The following AGAP1 variants were observed in gnomAD, a reference collection of about 807,000 sequenced individuals.
The protein encoded by AGAP1 is arf-GAP with GTPase, ANK repeat and PH domain-containing protein 1.
A neutral mutation model predicts 105.3 loss-of-function variants in AGAP1; 29 were observed. That is an observed-to-expected ratio of 0.28 (90% CI 0.21 to 0.38). The LOEUF (loss-of-function observed/expected upper bound fraction) is 0.38, where lower values mean the gene tolerates loss of function less well. Ranked by LOEUF, AGAP1 falls within the 10% of genes least tolerant of loss-of-function variation. The probability of loss-of-function intolerance (pLI) is 1.00; values close to 1 mark genes in which losing one functional copy is unlikely to be tolerated. For synonymous variants in AGAP1, 509 were observed against 485.9 expected (o/e 1.05, Z -0.63); for missense variants, 998 against 1,165.1 (o/e 0.86, Z 2.09).
At chr2:235,628,835 GT>G (rs1490983456) in intron 1 of AGAP1, among the ~76,000 whole-genome samples, 3 of 151,706 alleles carry the variant, frequency 2.0e-5, no homozygotes, top group Non-Finnish European at 4.4e-5. Context: ...TTGTTTGTTT[GT>G]TTTTTGACTC....
At chr2:235,687,477 T>C (rs571450170) in intron 1 of AGAP1, among the ~76,000 whole-genome samples, 1 of 152,336 alleles carries the variant, frequency 6.6e-6, no homozygotes, top group South Asian at 2.1e-4. Context: ...CAGTCCGATA[T>C]GTGTAAATCG....
Position 236,124,017 on chromosome 2 carries a change from G to A in AGAP1, c.2469G>A (p.Gln823=), listed in dbSNP as rs377101887. ...SSQECIDVLL[Q]YGCPDERFVL... ...AGGAGTGCATCGACGTGCTGCTGCA[G>A]TACGGCTGCCCCGACGAGCGCTTCG... The change falls in exon 18 of 18, where the codon CAG becomes CAA. Residue 823 remains glutamine (Q), a synonymous_variant. Coordinates refer to ENST00000304032, the MANE Select transcript of AGAP1 (RefSeq NM_001037131.3). The surrounding 1 kb of genome is among the most constrained non-coding windows in gnomAD (Gnocchi z 5.1). 3 of 1,613,990 alleles carry A rather than the reference G, an allele frequency of 1.9e-6. No individual in the cohort carries two copies. The African/African-American group carries it at 4.0e-5, about 22-fold the overall frequency.
chr2:235,664,491 TA>T lies in AGAP1; in HGVS notation c.164-44687del, dbSNP rs1398997673. On this transcript the variant is annotated intron_variant, in intron 1 of 17. Coordinates refer to ENST00000304032, the MANE Select transcript of AGAP1 (RefSeq NM_001037131.3). The surrounding 1 kb of genome is among the most constrained non-coding windows in gnomAD (Gnocchi z 5.7). ...CCTTGGCCTCCCAAAGTGCTGGGAT[TA>T]CAAGCATGAGCCACCACACTTGGCC... 2.0e-5 allele frequency among the ~76,000 whole-genome samples: 3 copies of T among 152,204 alleles called. No homozygotes were observed. Among genetic ancestry groups the T allele is most frequent in the African/African-American group, 7.2e-5 (3 of 41,452 alleles).
At chr2:235,588,027 T>G (rs1945183130) in intron 1 of AGAP1, among the ~76,000 whole-genome samples, 1 of 152,078 alleles carries the variant, frequency 6.6e-6, no homozygotes, top group Admixed American at 6.5e-5. Context: ...GTCAGGAGTT[T>G]GAGACCAGCC....
rs1376042551 is a variant in AGAP1, at chr2:235,642,315, C to T, written c.164-66864C>T. Among the ~76,000 whole-genome samples, 2 of 152,172 alleles carry T rather than the reference C, an allele frequency of 1.3e-5. No homozygotes were observed. Among genetic ancestry groups the T allele is most frequent in the Non-Finnish European group, 1.5e-5 (1 of 68,044 alleles). ...TACAAAGAAACTTGAGGTGAGGGGCCCTCTGCACTCAACCTCCTGGGACCT... is the reference window on the plus strand; with the variant it reads ...TACAAAGAAACTTGAGGTGAGGGGCTCTCTGCACTCAACCTCCTGGGACCT... On this transcript the variant is annotated intron_variant, in intron 1 of 17. Coordinates refer to ENST00000304032, the MANE Select transcript of AGAP1 (RefSeq NM_001037131.3). The surrounding 1 kb of genome is among the most constrained non-coding windows in gnomAD (Gnocchi z 4.1).
Position 235,555,469 on chromosome 2 carries a change from C to A in AGAP1, c.163+60620C>A, listed in dbSNP as rs1943944237. Among the ~76,000 whole-genome samples, 1 of 152,152 alleles carries A rather than the reference C, an allele frequency of 6.6e-6. No individual in the cohort carries two copies. The highest frequency in any genetic ancestry group is 1.5e-5 in the Non-Finnish European group (1 of 68,034). On this transcript the variant is annotated intron_variant, in intron 1 of 17. Transcript: ENST00000304032. This position sits in a 1 kb window ranked among gnomAD's most constrained non-coding sequence, Gnocchi z 5.1. ...AGGCATGTGGGGCACACTCTCCAGG[C>A]ACATCCAGGGCTGGACTGGGGCCGG...
chr2:235,818,113 C>T (rs187382991), intron 9 of AGAP1, among the ~76,000 whole-genome samples: 1 of 152,346 alleles, frequency 6.6e-6, no homozygotes, highest in East Asian at 1.9e-4. Context: ...AAAAACTCAT[C>T]AGAATCAACC....
chr2:236,056,856 A>C lies in AGAP1; in HGVS notation c.2114+7575A>C, dbSNP rs2058065153. ...GATCTGACTCCAGATGCCGCTCTGC[A>C]GTCCTGCTGCTGCTCCTGTTCCTTT... On this transcript the variant is annotated intron_variant, in intron 16 of 17. Transcript: ENST00000304032. The surrounding 1 kb of genome is among the most constrained non-coding windows in gnomAD (Gnocchi z 4.6). 6.6e-6 allele frequency among the ~76,000 whole-genome samples: 1 copy of C among 152,170 alleles called. No homozygotes were observed. The highest frequency in any genetic ancestry group is 2.4e-5 in the African/African-American group (1 of 41,452).
rs183050884 is a variant in AGAP1, at chr2:235,648,760, G to A, written c.164-60419G>A. On this transcript the variant is annotated intron_variant, in intron 1 of 17. Transcript: ENST00000304032. ...ACATTAGCTGGGCATGGTGGCATGC[G>A]CCTGTAGCCCCAGCTACTCGGGAGG... 2.8e-3 allele frequency among the ~76,000 whole-genome samples: 425 copies of A among 150,438 alleles called. 4 individuals are homozygous for A. Among genetic ancestry groups the A allele is most frequent in the African/African-American group, 9.7e-3 (397 of 41,026 alleles).
chr2:235,517,208 A>G lies in AGAP1; in HGVS notation c.163+22359A>G, dbSNP rs1038404671. 1.3e-5 allele frequency among the ~76,000 whole-genome samples: 2 copies of G among 152,198 alleles called. No homozygotes were observed. The highest frequency in any genetic ancestry group is 2.1e-4 in the South Asian group (1 of 4,826). On this transcript the variant is annotated intron_variant, in intron 1 of 17. Coordinates refer to ENST00000304032, the MANE Select transcript of AGAP1 (RefSeq NM_001037131.3). The surrounding 1 kb of genome is among the most constrained non-coding windows in gnomAD (Gnocchi z 4.1). The stretch of plus-strand genomic sequence containing the variant: ...GTTTTTCCGTTCTCAGGAGGACACC[A>G]GTCTTGTTGGATGAGGGTCCCACCC...
rs1436049806 is a variant in AGAP1, at chr2:235,965,070, G to A, written c.1484-3392G>A. ...TCTCAGGACTGCTGGCTACACCTCG[G>A]GTACAGTTAACCAAGGAGGTTTACC... is the stretch of plus-strand genomic sequence containing the variant. On this transcript the variant is annotated intron_variant, in intron 12 of 17. Transcript: ENST00000304032. This position sits in a 1 kb window ranked among gnomAD's most constrained non-coding sequence, Gnocchi z 5.8. 6.6e-6 allele frequency among the ~76,000 whole-genome samples: 1 copy of A among 152,184 alleles called. No homozygotes were observed. Among genetic ancestry groups the A allele is most frequent in the Non-Finnish European group, 1.5e-5 (1 of 68,050 alleles).
intron 1 of AGAP1, among the ~76,000 whole-genome samples, chr2:235,580,824 G>C (rs1168318648): frequency 6.6e-6 from 1 of 152,150 alleles, no homozygotes; most frequent in East Asian, 1.9e-4. Context: ...GATGTTATCT[G>C]ACCTGGCATG....
rs914136122 is a variant in AGAP1, at chr2:235,788,186, G to T, written c.674-9573G>T. On this transcript the variant is annotated intron_variant, in intron 6 of 17. Transcript: ENST00000304032. The surrounding 1 kb of genome is among the most constrained non-coding windows in gnomAD (Gnocchi z 6.0). Reference sequence around the variant, plus strand: ...CTTAGCTCAAGTGCACAGAGAAGCAGAGTGCCATACTGGGACCCTACGGTA... The same window carrying T: ...CTTAGCTCAAGTGCACAGAGAAGCATAGTGCCATACTGGGACCCTACGGTA... Among the ~76,000 whole-genome samples, 1 of 152,168 alleles carries T rather than the reference G, an allele frequency of 6.6e-6. No homozygotes were observed. Among genetic ancestry groups the T allele is most frequent in the African/African-American group, 2.4e-5 (1 of 41,414 alleles).
At chr2:235,502,119 G>A (rs910113462) in intron 1 of AGAP1, among the ~76,000 whole-genome samples, 1 of 152,092 alleles carries the variant, frequency 6.6e-6, no homozygotes, top group East Asian at 1.9e-4. Context: ...TCTTTCCCAA[G>A]ATGCAGTGAT....
intron 12 of AGAP1, among the ~76,000 whole-genome samples, chr2:235,940,018 G>A (rs546968254): frequency 6.6e-5 from 10 of 152,274 alleles, no homozygotes; most frequent in African/African-American, 2.4e-4. Flanking sequence ...GGCGGCTCAT[G>A]CTCAGCATAT....
chr2:235,571,119 C>T (rs1474556583), intron 1 of AGAP1, among the ~76,000 whole-genome samples: 1 of 152,086 alleles, frequency 6.6e-6, no homozygotes, highest in African/African-American at 2.4e-5. Flanking sequence ...TTGTAAACAA[C>T]CAAATCTCGT....
In AGAP1 at chr2:235,777,051, A is replaced by C. The variant is rs1310017343; in HGVS notation, c.674-20708A>C. 1 of 471,046 alleles carries C rather than the reference A, an allele frequency of 2.1e-6. No individual in the cohort carries two copies. Among genetic ancestry groups the C allele is most frequent in the Non-Finnish European group, 4.4e-6 (1 of 227,062 alleles). 29.2% of individuals were successfully genotyped at this position (471,046 alleles called of 1,614,324 possible). A position where few individuals can be genotyped will look rare whatever the true frequency, so the allele number is the denominator to read the frequency against. ...GAGGCCAGGCTGGATCCTGCAGAGA[A>C]ACGAGGAAGTATTAGACAGAAGTGA... On this transcript the variant is annotated intron_variant, in intron 6 of 17. Transcript: ENST00000304032. The surrounding 1 kb of genome is among the most constrained non-coding windows in gnomAD (Gnocchi z 5.1).
chr2:235,924,232 T>A, intron 11 of AGAP1, among the ~76,000 whole-genome samples: 1 of 152,152 alleles, frequency 6.6e-6, no homozygotes, highest in East Asian at 1.9e-4. Flanking sequence ...CTATTCTTTA[T>A]CTAGATGGGC....
chr2:236,030,113 C>T (rs55872634), intron 13 of AGAP1, among the ~76,000 whole-genome samples: 35,532 of 152,164 alleles, frequency 0.23, 4,887 homozygotes, highest in African/African-American at 0.38. Flanking sequence ...TTGAGGATAT[C>T]ATTCCACTAT....
Sources: allele counts gnomAD v4.1 joint callset (sites outside exome capture counted in the v4.1 genomes callset), GRCh38; gene constraint gnomAD v4.1.1; non-coding constraint Gnocchi (gnomAD v3.1); transcripts MANE v1.5; gene names NCBI Gene and HGNC (gene_info 2026-07-23, HGNC 2026-07-21).